The following ZC3H10 variants were observed in gnomAD, a reference collection of about 807,000 sequenced individuals.
ZC3H10 encodes zinc finger CCCH domain-containing protein 10.
ZC3H10 carries 12 observed loss-of-function variants against 24.3 expected under a neutral mutation model. The ratio of observed to expected loss-of-function variants is 0.49; its 90% CI spans 0.32 to 0.80. ZC3H10 has a LOEUF of 0.80. Among genes scored for constraint, ZC3H10 ranks in the 30% least tolerant of loss-of-function variants. The probability of loss-of-function intolerance (pLI) is 0.04; values close to 1 mark genes in which losing one functional copy is unlikely to be tolerated. For missense variants in ZC3H10, 360 were observed against 576.3 expected (o/e 0.62, Z 3.84); for synonymous variants, 226 against 217.0 (o/e 1.04, Z -0.36).
rs1869806389 is a variant in ZC3H10, at chr12:56,121,115, C to T, written c.553C>T (p.Arg185Ter). 3 of 1,614,056 alleles carry T rather than the reference C, an allele frequency of 1.9e-6. No homozygotes were observed. Among genetic ancestry groups the T allele is most frequent in the South Asian group, 1.1e-5 (1 of 91,080 alleles). ...CTCAACAGGCTCAGTCCTCCCAGGA[C>T]GACGTCATGATCTCTATGATATCTA... ...GGSTGSVLPG[R>*]RHDLYDIYDL... is the part of the protein sequence containing the mutation. The change falls in exon 3 of 3, where the codon CGA (arginine) becomes TGA (stop). Residue 185 changes from arginine (R) to a stop codon, truncating the protein, a stop_gained. Transcript: ENST00000257940. LOFTEE classifies it high-confidence loss of function. The surrounding 1 kb of genome is among the most constrained non-coding windows in gnomAD (Gnocchi z 6.2).
rs894811038 is a variant in ZC3H10, at chr12:56,121,729, A to G, written c.1167A>G (p.Val389=). 3.7e-6 allele frequency: 6 copies of G among 1,613,768 alleles called. No individual in the cohort carries two copies. The African/African-American group carries it at 8.0e-5, about 22-fold the overall frequency. Reference sequence around the variant, plus strand: ...CTGTCTCCATGGCTCCTGTGGCTGTATCTGTGGCTCCTGTGGCCCCTGTGG... The same window carrying G: ...CTGTCTCCATGGCTCCTGTGGCTGTGTCTGTGGCTCCTGTGGCCCCTGTGG... ...PPPVSMAPVA[V]SVAPVAPVAV... The change falls in exon 3 of 3, where the codon GTA becomes GTG. Residue 389 remains valine (V), a synonymous_variant. Coordinates refer to ENST00000257940, the MANE Select transcript of ZC3H10 (RefSeq NM_032786.3). The surrounding 1 kb of genome is among the most constrained non-coding windows in gnomAD (Gnocchi z 6.2).
rs1870008536 is a variant in ZC3H10, at chr12:56,126,787, ATAGT to A, written c.*4922_*4925del. 1 of 152,236 alleles carries A rather than the reference ATAGT, an allele frequency of 6.6e-6. No individual in the cohort carries two copies. Among genetic ancestry groups the A allele is most frequent in the Admixed American group, 6.5e-5 (1 of 15,284 alleles). The allele number at this position is 152,236 out of a possible 1,614,324, so 9.4% of individuals were successfully genotyped here. The stretch of plus-strand genomic sequence containing the variant: ...TAGGAGACAGAATATTGTTTCTTAA[ATAGT>A]TCTGCAAACTGAATGAAGCAGTCAA... On this transcript the variant is annotated 3_prime_UTR_variant, in exon 3 of 3. Transcript: ENST00000257940.
Position 56,121,100 on chromosome 12 carries a change from T to A in ZC3H10, c.538T>A (p.Ser180Thr). ...GGGTGGGSTG[S>T]VLPGRRHDLY... Reference sequence around the variant, plus strand: ...AGGCACTGGTGGGGGCTCAACAGGCTCAGTCCTCCCAGGACGACGTCATGA... The same window carrying A: ...AGGCACTGGTGGGGGCTCAACAGGCACAGTCCTCCCAGGACGACGTCATGA... The change falls in exon 3 of 3, where the codon TCA becomes ACA. Residue 180 changes from serine to threonine, a missense_variant. Coordinates refer to ENST00000257940, the MANE Select transcript of ZC3H10 (RefSeq NM_032786.3). The surrounding 1 kb of genome is among the most constrained non-coding windows in gnomAD (Gnocchi z 6.2). 2 of 1,614,162 alleles carry A rather than the reference T, an allele frequency of 1.2e-6. No individual in the cohort carries two copies. Among genetic ancestry groups the A allele is most frequent in the Non-Finnish European group, 1.7e-6 (2 of 1,180,020 alleles).
chr12:56,122,208 T>A lies in ZC3H10; in HGVS notation c.*341T>A, dbSNP rs1869868624. 1 of 268,630 alleles carries A rather than the reference T, an allele frequency of 3.7e-6. No individual in the cohort carries two copies. The highest frequency in any genetic ancestry group is 2.2e-5 in the African/African-American group (1 of 44,960). 16.6% of individuals were successfully genotyped at this position (268,630 alleles called of 1,614,324 possible). ...GTCCTCTCTTCTGCACAGCACAGGTTCCAGCACTGGTTTTAGAAGAAAAAA... is the reference window on the plus strand; with the variant it reads ...GTCCTCTCTTCTGCACAGCACAGGTACCAGCACTGGTTTTAGAAGAAAAAA... On this transcript the variant is annotated 3_prime_UTR_variant, in exon 3 of 3. Coordinates refer to ENST00000257940, the MANE Select transcript of ZC3H10 (RefSeq NM_032786.3).
Position 56,121,042 on chromosome 12 carries a change from A to G in ZC3H10, c.480A>G (p.Gln160=), listed in dbSNP as rs747792367. Residue 160 remains glutamine (Q), a synonymous_variant, in exon 3 of 3, where the codon CAA becomes CAG. Transcript: ENST00000257940. The surrounding 1 kb of genome is among the most constrained non-coding windows in gnomAD (Gnocchi z 6.2). ...RGAKCKFRHL[Q]RDFEFDARGG... ...CCAAGTGCAAGTTCCGTCACCTGCA[A>G]CGGGATTTTGAGTTTGATGCTCGGG... 3.2e-5 allele frequency: 51 copies of G among 1,614,044 alleles called. No individual in the cohort carries two copies. The highest frequency in any genetic ancestry group is 9.9e-5 in the South Asian group (9 of 91,086).
In ZC3H10 at chr12:56,121,474, T is replaced by C; in HGVS notation, c.912T>C (p.Thr304=). The C allele has an allele frequency of 6.2e-7, 1 of 1,611,546 alleles. No individual in the cohort carries two copies. The highest frequency in any genetic ancestry group is 8.5e-7 in the Non-Finnish European group (1 of 1,177,878). ...TLAPTVGTVA[T]FNHGIAQTHT... is the part of the protein sequence containing the mutation. Reference sequence around the variant, plus strand: ...CCCCCACTGTGGGCACTGTTGCCACTTTTAACCATGGCATTGCCCAGACTC... The same window carrying C: ...CCCCCACTGTGGGCACTGTTGCCACCTTTAACCATGGCATTGCCCAGACTC... Residue 304 remains threonine (T), a synonymous_variant, in exon 3 of 3, where the codon ACT becomes ACC. Transcript: ENST00000257940. This position sits in a 1 kb window ranked among gnomAD's most constrained non-coding sequence, Gnocchi z 6.2.
intron 1 of ZC3H10, chr12:56,118,849 C>G (rs933124126): frequency 3.9e-5 from 6 of 152,250 alleles, no homozygotes; most frequent in Non-Finnish European, 8.8e-5. Context: ...GCAGGGCGCC[C>G]CGCACTCTTT....
rs139404346 is a variant in ZC3H10, at chr12:56,118,311, G to A, written c.-124G>A. The A allele has an allele frequency of 0.01, 1,584 of 154,112 alleles. 27 individuals carry two copies. The highest frequency in any genetic ancestry group is 0.044 in the South Asian group (234 of 5,322). 9.5% of individuals were successfully genotyped at this position (154,112 alleles called of 1,614,324 possible). A position where few individuals can be genotyped will look rare whatever the true frequency, so the allele number is the denominator to read the frequency against. On this transcript the variant is annotated 5_prime_UTR_variant, in exon 1 of 3. Coordinates refer to ENST00000257940, the MANE Select transcript of ZC3H10 (RefSeq NM_032786.3). ...AGGCGGCAGCAGCAACTACGGCGGC[G>A]GCGGCAGGTGAGGGAGGCGGGAGAC...
In ZC3H10 at chr12:56,122,026, G is replaced by A. The variant is rs567928589; in HGVS notation, c.*159G>A. 37 of 898,982 alleles carry A rather than the reference G, an allele frequency of 4.1e-5. No individual in the cohort carries two copies. The highest frequency in any genetic ancestry group is 6.2e-5 in the Admixed American group (2 of 32,308). The allele number at this position is 898,982 out of a possible 1,614,324, so 55.7% of individuals were successfully genotyped here. Reference sequence around the variant, plus strand: ...TGTCCTGAGGAGGGGTTGGGATGGTGTGTTTTCTCTCACCTCCCTTTTATG... The same window carrying A: ...TGTCCTGAGGAGGGGTTGGGATGGTATGTTTTCTCTCACCTCCCTTTTATG... On this transcript the variant is annotated 3_prime_UTR_variant, in exon 3 of 3. Coordinates refer to ENST00000257940, the MANE Select transcript of ZC3H10 (RefSeq NM_032786.3).
chr12:56,125,990 C>T lies in ZC3H10; in HGVS notation c.*4123C>T, dbSNP rs1372011932. The stretch of plus-strand genomic sequence containing the variant: ...ATTTTTAGTAGAGACGGGGTTTCGC[C>T]ATGTTGGCCAGGCTGGTCTTGAACT... On this transcript the variant is annotated 3_prime_UTR_variant, in exon 3 of 3. Transcript: ENST00000257940. The T allele has an allele frequency of 6.6e-6, 1 of 152,116 alleles. No individual in the cohort carries two copies. The highest frequency in any genetic ancestry group is 1.5e-5 in the Non-Finnish European group (1 of 68,044). The allele number at this position is 152,116 out of a possible 1,614,324, so 9.4% of individuals were successfully genotyped here. A position where few individuals can be genotyped will look rare whatever the true frequency, so the allele number is the denominator to read the frequency against.
chr12:56,121,678 A>G lies in ZC3H10; in HGVS notation c.1116A>G (p.Thr372=). The change falls in exon 3 of 3, where the codon ACA becomes ACG. Residue 372 remains threonine (T), a synonymous_variant. Coordinates refer to ENST00000257940, the MANE Select transcript of ZC3H10 (RefSeq NM_032786.3). The surrounding 1 kb of genome is among the most constrained non-coding windows in gnomAD (Gnocchi z 6.2). Reference sequence around the variant, plus strand: ...CACTGTCAGCTGCCCTGGCTCAAACAATTGCCCAGGGAATGGCACCTCCAC... The same window carrying G: ...CACTGTCAGCTGCCCTGGCTCAAACGATTGCCCAGGGAATGGCACCTCCAC... The part of the protein sequence containing the change: ...ITPLSAALAQ[T]IAQGMAPPPV... The G allele has an allele frequency of 6.2e-7, 1 of 1,613,178 alleles. No homozygotes were observed. Among genetic ancestry groups the G allele is most frequent in the Non-Finnish European group, 8.5e-7 (1 of 1,179,844 alleles).
rs1869869628 is a variant in ZC3H10 at position 56,122,239 on chromosome 12, C to A, written c.*372C>A. 1 of 204,666 alleles carries A rather than the reference C, an allele frequency of 4.9e-6. No homozygotes were observed. Among genetic ancestry groups the A allele is most frequent in the Non-Finnish European group, 1.1e-5 (1 of 92,654 alleles). The allele number at this position is 204,666 out of a possible 1,614,324, so 12.7% of individuals were successfully genotyped here. ...ACTGGTTTTAGAAGAAAAAAATACC[C>A]TGCCCAGAGGGAAAGCCAGGAAAGA... is the stretch of plus-strand genomic sequence containing the variant. On this transcript the variant is annotated 3_prime_UTR_variant, in exon 3 of 3. Coordinates refer to ENST00000257940, the MANE Select transcript of ZC3H10 (RefSeq NM_032786.3).
chr12:56,120,249 A>C (rs1869768673), intron 2 of ZC3H10: 2 of 985,352 alleles, frequency 2.0e-6, no homozygotes, highest in Non-Finnish European at 2.4e-6. Context: ...GGAAAGATGA[A>C]TTCCAACACT....
At position 56,121,730 on chromosome 12, in the gene ZC3H10, T is replaced by TCTGTGGCTC. The variant is rs774445462; in HGVS notation, c.1176_1184dup (p.Pro396_Ala398dup). On this transcript the variant is annotated inframe_insertion, in exon 3 of 3. Transcript: ENST00000257940. The surrounding 1 kb of genome is among the most constrained non-coding windows in gnomAD (Gnocchi z 6.2). ...TGTCTCCATGGCTCCTGTGGCTGTATCTGTGGCTCCTGTGGCCCCTGTGGC... is the reference window on the plus strand; with the variant it reads ...TGTCTCCATGGCTCCTGTGGCTGTATCTGTGGCTCCTGTGGCTCCTGTGGCCCCTGTGGC... 47 of 1,613,990 alleles carry TCTGTGGCTC rather than the reference T, an allele frequency of 2.9e-5. No homozygotes were observed. Among genetic ancestry groups the TCTGTGGCTC allele is most frequent in the Non-Finnish European group, 2.9e-5 (34 of 1,180,022 alleles).
At chr12:56,119,031 A>G (rs887786532) in intron 1 of ZC3H10, 57 bp from the exon 2 acceptor site, 2 of 152,792 alleles carry the variant, frequency 1.3e-5, no homozygotes, top group Non-Finnish European at 1.5e-5. Flanking sequence ...CAACCACCCC[A>G]TAGTCCTCCA....
rs1423917791 is a variant in ZC3H10 at position 56,122,234 on chromosome 12, A to T, written c.*367A>T. ...CCAGCACTGGTTTTAGAAGAAAAAA[A>T]TACCCTGCCCAGAGGGAAAGCCAGG... On this transcript the variant is annotated 3_prime_UTR_variant, in exon 3 of 3. Coordinates refer to ENST00000257940, the MANE Select transcript of ZC3H10 (RefSeq NM_032786.3). 1 of 211,400 alleles carries T rather than the reference A, an allele frequency of 4.7e-6. No individual in the cohort carries two copies. The allele number at this position is 211,400 out of a possible 1,614,324, so 13.1% of individuals were successfully genotyped here. A position where few individuals can be genotyped will look rare whatever the true frequency, so the allele number is the denominator to read the frequency against.
At position 56,123,423 on chromosome 12, in the gene ZC3H10, A is replaced by G. The variant is rs934917439; in HGVS notation, c.*1556A>G. ...TAAGCTTAATGTTTTTTGGGACACAATTTTTTTTTTTTTTTTTGAGATGGA... is the reference window on the plus strand; with the variant it reads ...TAAGCTTAATGTTTTTTGGGACACAGTTTTTTTTTTTTTTTTTGAGATGGA... On this transcript the variant is annotated 3_prime_UTR_variant, in exon 3 of 3. Transcript: ENST00000257940. 7.1e-6 allele frequency: 1 copy of G among 140,424 alleles called. No homozygotes were observed. The highest frequency in any genetic ancestry group is 1.6e-5 in the Non-Finnish European group (1 of 63,960). 8.7% of individuals were successfully genotyped at this position (140,424 alleles called of 1,614,324 possible). A position where few individuals can be genotyped will look rare whatever the true frequency, so the allele number is the denominator to read the frequency against.
At position 56,120,898 on chromosome 12, in the gene ZC3H10, C is replaced by T; in HGVS notation, c.336C>T (p.Pro112=). The change falls in exon 3 of 3, where the codon CCC becomes CCT. Residue 112 remains proline (P), a synonymous_variant. Coordinates refer to ENST00000257940, the MANE Select transcript of ZC3H10 (RefSeq NM_032786.3). The part of the protein sequence containing the change: ...EDGYKKTGEL[P]PRLRQKVAAG... ...GCTATAAGAAGACAGGAGAGCTTCCCCCACGGCTGAGGCAGAAAGTAGCAG... is the reference window on the plus strand; with the variant it reads ...GCTATAAGAAGACAGGAGAGCTTCCTCCACGGCTGAGGCAGAAAGTAGCAG... 6.2e-7 allele frequency: 1 copy of T among 1,614,052 alleles called. No homozygotes were observed. The highest frequency in any genetic ancestry group is 2.2e-5 in the East Asian group (1 of 44,898).
chr12:56,121,109 C>A lies in ZC3H10; in HGVS notation c.547C>A (p.Pro183Thr), dbSNP rs141980139. The A allele has an allele frequency of 1.2e-4, 197 of 1,614,034 alleles. No homozygotes were observed. The highest frequency in any genetic ancestry group is 1.6e-4 in the Non-Finnish European group (189 of 1,180,028). Residue 183 changes from proline to threonine, a missense_variant, in exon 3 of 3, where the codon CCA (proline) becomes ACA (threonine). Physicochemically the swap from Pro to Thr is conservative, Grantham distance 38. This residue lies in a region of ZC3H10 where 101 missense variants were observed against 110.8 expected (regional missense o/e 0.91). Transcript: ENST00000257940. This position sits in a 1 kb window ranked among gnomAD's most constrained non-coding sequence, Gnocchi z 6.2. ...TGGGGGCTCAACAGGCTCAGTCCTC[C>A]CAGGACGACGTCATGATCTCTATGA... ...TGGGSTGSVLPGRRHDLYDIY... is the reference protein window; with the variant it reads ...TGGGSTGSVLTGRRHDLYDIY...
Sources: gnomAD v4.1 joint callset for allele counts on GRCh38, gnomAD v4.1.1 for gene constraint, gnomAD v4.1.1 regional missense constraint, Gnocchi (gnomAD v3.1) non-coding constraint, MANE v1.5 for transcripts, NCBI Gene and HGNC (gene_info 2026-07-23, HGNC 2026-07-21) for gene names.